GRIK2: variants seen among roughly 807,000 people sequenced by gnomAD.
GRIK2 encodes glutamate receptor ionotropic, kainate 2.
In GRIK2, 32 loss-of-function variants were observed where a neutral mutation model predicts 100.3. That is an observed-to-expected ratio of 0.32 (90% confidence interval 0.24 to 0.43). GRIK2 has a LOEUF of 0.43. Ranked by LOEUF, GRIK2 falls within the 20% of genes least tolerant of loss-of-function variation. GRIK2 has a pLI of 1.00. For synonymous variants in GRIK2, 417 were observed against 389.4 expected (o/e 1.07, Z -0.83); for missense variants, 843 against 1,114.9 (o/e 0.76, Z 3.47).
chr6:101,705,043 T>TTATATATTATATTACATATATTTA (rs1186148492), intron 7 of GRIK2, among the ~76,000 whole-genome samples: 2 of 147,596 alleles, frequency 1.4e-5, no homozygotes, highest in Non-Finnish European at 3.0e-5. Flanking sequence ...ATATTTATAT[T>TTATATATTATATTACATATATTTA]TATATATTTA....
intron 2 of GRIK2, among the ~76,000 whole-genome samples, chr6:101,617,063 A>C (rs540361482): frequency 6.6e-6 from 1 of 151,812 alleles, no homozygotes; most frequent in Non-Finnish European, 1.5e-5. Context: ...TGTTTTTCAA[A>C]TATTGAAGCT....
At chr6:101,629,833 A>C (rs1258051915) in intron 4 of GRIK2, among the ~76,000 whole-genome samples, 1 of 152,040 alleles carries the variant, frequency 6.6e-6, no homozygotes, top group African/African-American at 2.4e-5. Flanking sequence ...CAGGGTATCC[A>C]ATAGATAGTT....
chr6:102,035,595 T>C (rs766515921), intron 15 of GRIK2, 29 bp downstream of exon 15: 8 of 1,276,574 alleles, frequency 6.3e-6, no homozygotes, highest in Non-Finnish European at 9.1e-6. Context: ...CTTTGTTCTT[T>C]GTTCATTAAT....
intron 2 of GRIK2, among the ~76,000 whole-genome samples, chr6:101,420,198 T>C (rs990747715): frequency 1.3e-5 from 2 of 152,210 alleles, no homozygotes; most frequent in African/African-American, 4.8e-5. Context: ...AGATAAGTTA[T>C]TTACCTGGGG....
rs1296013919 is a variant in GRIK2, at chr6:101,799,766, C to A, written c.1070C>A (p.Thr357Asn). ...CNRHKPWRFGTRFMSLIKEAH... is the reference protein window; with the variant it reads ...CNRHKPWRFGNRFMSLIKEAH... ...CGACATAAACCCTGGCGCTTCGGGACCCGCTTTATGAGTCTAATTAAAGAG... is the reference window on the plus strand; with the variant it reads ...CGACATAAACCCTGGCGCTTCGGGAACCGCTTTATGAGTCTAATTAAAGAG... Residue 357 changes from threonine to asparagine, a missense_variant, in exon 8 of 17, where the codon ACC (threonine) becomes AAC (asparagine). By Grantham distance (65) the Thr-to-Asn change is moderately conservative (BLOSUM62 0). Coordinates refer to ENST00000369134, the MANE Select transcript of GRIK2 (RefSeq NM_021956.5). 1.4e-5 allele frequency: 23 copies of A among 1,613,240 alleles called. No homozygotes were observed. Among genetic ancestry groups the A allele is most frequent in the African/African-American group, 2.7e-5 (2 of 74,868 alleles).
At chr6:102,006,390 A>ATATATATATATTTTTTTT (rs1315524835) in intron 14 of GRIK2, among the ~76,000 whole-genome samples, 4 of 114,102 alleles carry the variant, frequency 3.5e-5, no homozygotes, top group African/African-American at 1.4e-4. Flanking sequence ...ATATATATAT[A>ATATATATATATTTTTTTT]TTTTTTTTTT....
At chr6:101,402,664 C>A (rs1247041484) in intron 2 of GRIK2, among the ~76,000 whole-genome samples, 1 of 152,150 alleles carries the variant, frequency 6.6e-6, no homozygotes, top group Non-Finnish European at 1.5e-5. Flanking sequence ...GGTGCCCACC[C>A]GGCGGGCAAG....
At chr6:101,672,830 G>A (rs1205292715) in intron 4 of GRIK2, among the ~76,000 whole-genome samples, 1 of 152,038 alleles carries the variant, frequency 6.6e-6, no homozygotes, top group African/African-American at 2.4e-5. Context: ...CACATTTTCT[G>A]GTATCTAGGT....
chr6:101,556,225 T>G (rs2128293926), intron 2 of GRIK2, among the ~76,000 whole-genome samples: 1 of 151,626 alleles, frequency 6.6e-6, no homozygotes, highest in South Asian at 2.1e-4. Context: ...CTTATTGAGT[T>G]TTCGTAGGGT....
In GRIK2 at chr6:102,035,415, T is replaced by C. The variant is rs1225209254; in HGVS notation, c.2160T>C (p.Ser720=). 2 of 1,609,264 alleles carry C rather than the reference T, an allele frequency of 1.2e-6. No individual in the cohort carries two copies. Among genetic ancestry groups the C allele is most frequent in the Non-Finnish European group, 1.7e-6 (2 of 1,176,552 alleles). ...SSRRQSVLVK[S]NEEGIQRVLT... Reference sequence around the variant, plus strand: ...GAAGGCAGTCAGTGCTGGTCAAAAGTAATGAAGAAGGAATCCAGCGAGTCC... The same window carrying C: ...GAAGGCAGTCAGTGCTGGTCAAAAGCAATGAAGAAGGAATCCAGCGAGTCC... Residue 720 remains serine (S), a synonymous_variant, in exon 15 of 17, where the codon AGT becomes AGC. Transcript: ENST00000369134.
intron 1 of GRIK2, chr6:101,398,687 T>C (rs1233721661): frequency 4.3e-6 from 1 of 233,728 alleles, no homozygotes; most frequent in African/African-American, 2.3e-5. Flanking sequence ...AGCAATGTTC[T>C]CCCCATAAAT....
chr6:101,601,904 T>G (rs1317063732), intron 2 of GRIK2, among the ~76,000 whole-genome samples: 1 of 151,732 alleles, frequency 6.6e-6, no homozygotes, highest in Admixed American at 6.6e-5. Context: ...TGATTTTTTA[T>G]GTATGGGCTT....
At position 101,799,703 on chromosome 6, in the gene GRIK2, A is replaced by G. The variant is rs919167176; in HGVS notation, c.1007A>G (p.Gln336Arg). The G allele has an allele frequency of 6.2e-6, 10 of 1,613,084 alleles. No individual in the cohort carries two copies. The highest frequency in any genetic ancestry group is 3.3e-5 in the South Asian group (3 of 91,068). ...AVHVVSVAVQ[Q>R]FPQMTVSSLQ... is the part of the protein sequence containing the mutation. Reference sequence around the variant, plus strand: ...CATGTGGTGTCTGTGGCCGTTCAACAGTTTCCCCAGATGACAGTCAGTTCC... The same window carrying G: ...CATGTGGTGTCTGTGGCCGTTCAACGGTTTCCCCAGATGACAGTCAGTTCC... Residue 336 changes from glutamine to arginine, a missense_variant, in exon 8 of 17, where the codon CAG becomes CGG. Physicochemically the swap from Gln to Arg is conservative, Grantham distance 43. Coordinates refer to ENST00000369134, the MANE Select transcript of GRIK2 (RefSeq NM_021956.5).
intron 2 of GRIK2, among the ~76,000 whole-genome samples, chr6:101,412,155 C>T (rs977572881): frequency 6.6e-6 from 1 of 151,972 alleles, no homozygotes; most frequent in African/African-American, 2.4e-5. Context: ...CTCTCTGGAC[C>T]TTTGTTACAT....
At chr6:101,761,186 T>C (rs946137669) in intron 7 of GRIK2, among the ~76,000 whole-genome samples, 1 of 152,068 alleles carries the variant, frequency 6.6e-6, no homozygotes, top group Non-Finnish European at 1.5e-5. Flanking sequence ...TACACAGAAA[T>C]AGTCTCTAGG....
At chr6:101,568,351 A>G (rs1271793753) in intron 2 of GRIK2, among the ~76,000 whole-genome samples, 1 of 151,998 alleles carries the variant, frequency 6.6e-6, no homozygotes, top group African/African-American at 2.4e-5. Flanking sequence ...TACCATTTCT[A>G]TTAAATGCAA....
At chr6:101,526,508 A>G (rs903072647) in intron 2 of GRIK2, among the ~76,000 whole-genome samples, 2 of 152,180 alleles carry the variant, frequency 1.3e-5, no homozygotes, top group African/African-American at 2.4e-5. Context: ...CTGGTTTATT[A>G]TATTCTCTCA....
chr6:101,454,342 G>A (rs1458703686), intron 2 of GRIK2, among the ~76,000 whole-genome samples: 1 of 151,978 alleles, frequency 6.6e-6, no homozygotes, highest in Admixed American at 6.6e-5. Context: ...ATGATTTATG[G>A]CATGGAGCAT....
intron 7 of GRIK2, among the ~76,000 whole-genome samples, chr6:101,786,468 C>T (rs1180654501): frequency 1.3e-5 from 2 of 151,822 alleles, no homozygotes; most frequent in East Asian, 3.9e-4. Context: ...GAGGCATGTT[C>T]CTTTTATGCT....
Sources: allele counts gnomAD v4.1 joint callset (sites outside exome capture counted in the v4.1 genomes callset), GRCh38; gene constraint gnomAD v4.1.1; transcripts MANE v1.5; gene names NCBI Gene and HGNC (gene_info 2026-07-23, HGNC 2026-07-21).